Variants in PCDH15 observed in about 807,000 individuals in gnomAD.
PCDH15 encodes protocadherin-15.
PCDH15 carries 129 observed loss-of-function variants against 178.5 expected under a neutral mutation model. The ratio of observed to expected loss-of-function variants is 0.72; its 90% CI spans 0.63 to 0.84. PCDH15 has a LOEUF of 0.84. Among genes scored for constraint, PCDH15 ranks in the 40% least tolerant of loss-of-function variants. PCDH15 has a pLI of 0.00. For synonymous variants in PCDH15, 800 were observed against 732.0 expected (o/e 1.09, Z -1.50); for missense variants, 2,230 against 2,099.9 (o/e 1.06, Z -1.21).
intron 21 of PCDH15, among the ~76,000 whole-genome samples, chr10:53,988,092 T>C (rs1199624729): frequency 6.6e-6 from 1 of 152,202 alleles, no homozygotes; most frequent in Non-Finnish European, 1.5e-5. Flanking sequence ...GCTCTTTAAA[T>C]GCAACCACAT....
chr10:54,921,909 C>T (rs969370129), intron 2 of PCDH15, among the ~76,000 whole-genome samples: 1 of 152,154 alleles, frequency 6.6e-6, no homozygotes, highest in African/African-American at 2.4e-5. Context: ...ACCTCTCCTG[C>T]TCCATGGTGG....
At chr10:55,480,213 T>A (rs1204057264) in intron 2 of PCDH15, among the ~76,000 whole-genome samples, 1 of 151,554 alleles carries the variant, frequency 6.6e-6, no homozygotes, top group Non-Finnish European at 1.5e-5. Flanking sequence ...AACTTATCAG[T>A]GTAAGAAGCT....
At chr10:54,569,854 C>T (rs959490129) in intron 2 of PCDH15, among the ~76,000 whole-genome samples, 1 of 152,040 alleles carries the variant, frequency 6.6e-6, no homozygotes, top group Admixed American at 6.6e-5. Flanking sequence ...AAAATCTTGC[C>T]GCAAGATTTC....
At chr10:55,119,333 T>C (rs2132064379) in intron 2 of PCDH15, among the ~76,000 whole-genome samples, 1 of 152,212 alleles carries the variant, frequency 6.6e-6, no homozygotes, top group South Asian at 2.1e-4. Context: ...TTTTTCCTAG[T>C]TTTATTTTAA....
rs186626211 is a variant in PCDH15, at chr10:55,086,912, C to G, written c.-80+79664G>C. ...AAAGTACTTGTCTATAGAAAATACT[C>G]TCTGAATTATCTTAGGATAAAGAGA... On this transcript the variant is annotated intron_variant, in intron 2 of 5. Transcript: ENST00000458638. Among the ~76,000 whole-genome samples, 436 of 152,108 alleles carry G rather than the reference C, an allele frequency of 2.9e-3. 2 individuals are homozygous for G. Among genetic ancestry groups the G allele is most frequent in the African/African-American group, 1.0e-2 (415 of 41,536 alleles).
intron 3 of PCDH15, among the ~76,000 whole-genome samples, chr10:54,445,793 G>A (rs1453171882): frequency 1.3e-5 from 2 of 151,462 alleles, no homozygotes; most frequent in South Asian, 2.1e-4. Flanking sequence ...ATTCTGTGAT[G>A]TATTTTATTT....
At chr10:54,179,951 T>A (rs1366609492) in intron 13 of PCDH15, among the ~76,000 whole-genome samples, 1 of 152,182 alleles carries the variant, frequency 6.6e-6, no homozygotes, top group African/African-American at 2.4e-5. Context: ...AGGGAGTAAT[T>A]GTCTTTTCAA....
At chr10:53,848,946 T>C (rs1042662468) in intron 28 of PCDH15, among the ~76,000 whole-genome samples, 1 of 152,152 alleles carries the variant, frequency 6.6e-6, no homozygotes, top group Non-Finnish European at 1.5e-5. Flanking sequence ...TGTTTTTAAT[T>C]GATCTTCCAA....
At chr10:54,905,973 C>G (rs1237023340) in intron 2 of PCDH15, among the ~76,000 whole-genome samples, 1 of 152,084 alleles carries the variant, frequency 6.6e-6, no homozygotes, top group East Asian at 1.9e-4. Context: ...GGCCTTACAT[C>G]TGGTAACAAT....
At chr10:55,285,785 T>C (rs1223215679) in intron 1 of PCDH15, among the ~76,000 whole-genome samples, 2 of 151,888 alleles carry the variant, frequency 1.3e-5, no homozygotes, top group African/African-American at 4.8e-5. Flanking sequence ...AAAGAGTTAA[T>C]AGAAAATAAG....
intron 1 of PCDH15, among the ~76,000 whole-genome samples, chr10:54,769,336 TA>T (rs1233872938): frequency 1.4e-5 from 2 of 146,174 alleles, no homozygotes; most frequent in African/African-American, 2.5e-5. Flanking sequence ...TTTTTTTTTT[TA>T]AATCTCCCAC....
Position 54,090,053 on chromosome 10 carries a change from C to A in PCDH15, c.1928G>T (p.Arg643Leu), listed in dbSNP as rs771956446. The part of the protein sequence containing the change: ...AVLLNLQATD[R>L]EGDSITYAIE... ...GGCATATGTTATTGAGTCTCCCTCT[C>A]GATCAGTTGCCTTCAGAGAGAAAAC... The change falls in exon 16 of 38, where the codon CGA becomes CTA. Residue 643 changes from arginine to leucine, a missense_variant. Coordinates refer to ENST00000644397, the MANE Select transcript of PCDH15 (RefSeq NM_001384140.1). 1.2e-6 allele frequency: 2 copies of A among 1,610,674 alleles called. No individual in the cohort carries two copies. Among genetic ancestry groups the A allele is most frequent in the Non-Finnish European group, 1.7e-6 (2 of 1,177,466 alleles).
At chr10:53,839,678 T>A in intron 29 of PCDH15, among the ~76,000 whole-genome samples, 1 of 152,182 alleles carries the variant, frequency 6.6e-6, no homozygotes, top group Non-Finnish European at 1.5e-5. Flanking sequence ...TTAACAATTT[T>A]TTTTTTTTTA....
At chr10:53,942,816 T>A (rs2086187918) in intron 23 of PCDH15, among the ~76,000 whole-genome samples, 1 of 152,192 alleles carries the variant, frequency 6.6e-6, no homozygotes, top group Non-Finnish European at 1.5e-5. Flanking sequence ...AACCCATGCC[T>A]GGATTCCTGA....
At chr10:55,012,308 A>G (rs1840063441) in intron 2 of PCDH15, among the ~76,000 whole-genome samples, 1 of 152,100 alleles carries the variant, frequency 6.6e-6, no homozygotes, top group African/African-American at 2.4e-5. Flanking sequence ...AATACATATA[A>G]TTGTTTTCTA....
chr10:54,067,159 G>A (rs535882740), intron 17 of PCDH15, among the ~76,000 whole-genome samples: 2 of 152,182 alleles, frequency 1.3e-5, no homozygotes, highest in South Asian at 2.1e-4. Context: ...GGAGGAAAAC[G>A]GTTTTACCTT....
At chr10:53,920,529 AATG>A (rs1374747058) in intron 25 of PCDH15, among the ~76,000 whole-genome samples, 1 of 152,164 alleles carries the variant, frequency 6.6e-6, no homozygotes, top group East Asian at 1.9e-4. Context: ...TATTGTATAT[AATG>A]ATAAGTACTG....
At chr10:54,860,200 G>T (rs902043186) in intron 3 of PCDH15, among the ~76,000 whole-genome samples, 1 of 151,994 alleles carries the variant, frequency 6.6e-6, no homozygotes, top group East Asian at 1.9e-4. Context: ...TGTTTCATGG[G>T]TGTATTGTGC....
chr10:54,655,256 AAGAGAG>A (rs1173377441), intron 2 of PCDH15, among the ~76,000 whole-genome samples: 1,933 of 48,818 alleles, frequency 0.04, 24 homozygotes, highest in Non-Finnish European at 0.049. Context: ...GAAAGAAAGA[AAGAGAG>A]AGAGAGAGAG....
Sources: allele counts gnomAD v4.1 joint callset (sites outside exome capture counted in the v4.1 genomes callset), GRCh38; gene constraint gnomAD v4.1.1; transcripts MANE v1.5; gene names NCBI Gene and HGNC (gene_info 2026-07-23, HGNC 2026-07-21).